Variants in DENND2A observed in about 807,000 individuals in gnomAD.
The protein encoded by DENND2A is DENN domain containing 2A.
In DENND2A, 53 loss-of-function variants were observed where a neutral mutation model predicts 105.3. The ratio of observed to expected loss-of-function variants is 0.50; its 90% CI spans 0.40 to 0.63. DENND2A has a LOEUF of 0.63. Ranked by LOEUF, DENND2A falls within the 30% of genes least tolerant of loss-of-function variation. DENND2A has a pLI of 0.00. For synonymous variants in DENND2A, 522 were observed against 508.4 expected (o/e 1.03, Z -0.36); for missense variants, 1,138 against 1,279.6 (o/e 0.89, Z 1.69).
rs1222458538 is a variant in DENND2A, at chr7:140,587,645, C to G, written c.1123+8G>C. 2 of 1,613,494 alleles carry G rather than the reference C, an allele frequency of 1.2e-6. No homozygotes were observed. The highest frequency in any genetic ancestry group is 4.5e-5 in the East Asian group (2 of 44,864). On this transcript the variant is annotated splice_region_variant and intron_variant, in intron 4 of 19. Coordinates refer to ENST00000496613, the MANE Select transcript of DENND2A (RefSeq NM_015689.5). ...TCAGATCCGCACACAGACGCTGTGG[C>G]TTCTTACCTAGAATGTCTTCATAGA...
rs746407166 is a variant in DENND2A at position 140,601,909 on chromosome 7, G to C, written c.489C>G (p.Val163=). ...QNDPLSVLKQ[V]KKLEQALKDG... is the part of the protein sequence containing the mutation. Reference sequence around the variant, plus strand: ...CCTTCAAAGCCTGCTCGAGTTTCTTGACCTGCTTCAGCACGGAGAGGGGAT... The same window carrying C: ...CCTTCAAAGCCTGCTCGAGTTTCTTCACCTGCTTCAGCACGGAGAGGGGAT... The change falls in exon 3 of 20, where the codon GTC becomes GTG. Residue 163 remains valine (V), a synonymous_variant. Coordinates refer to ENST00000496613, the MANE Select transcript of DENND2A (RefSeq NM_015689.5). 8 of 1,614,148 alleles carry C rather than the reference G, an allele frequency of 5.0e-6. No homozygotes were observed. Among genetic ancestry groups the C allele is most frequent in the East Asian group, 2.2e-5 (1 of 44,858 alleles).
chr7:140,554,043 T>C (rs985194144), intron 12 of DENND2A, among the ~76,000 whole-genome samples: 5 of 150,944 alleles, frequency 3.3e-5, no homozygotes, highest in Non-Finnish European at 7.4e-5. Flanking sequence ...CTGGCCAACA[T>C]GGTGAAACCC....
intron 3 of DENND2A, among the ~76,000 whole-genome samples, chr7:140,591,788 TTTTCTTTTC>T (rs1365942844): frequency 1.3e-5 from 2 of 149,432 alleles, no homozygotes; most frequent in African/African-American, 5.0e-5. Context: ...CCTTTCTTTC[TTTTCTTTTC>T]TTTCTTTCTT....
At chr7:140,579,278 C>T (rs557410888) in intron 5 of DENND2A, among the ~76,000 whole-genome samples, 19 of 151,222 alleles carry the variant, frequency 1.3e-4, no homozygotes, top group Non-Finnish European at 2.7e-4. Flanking sequence ...GGCGACAGAG[C>T]GAGACTCTGT....
Position 140,525,775 on chromosome 7 carries a change from G to A in DENND2A, c.2523C>T (p.Leu841=), listed in dbSNP as rs772777594. The A allele has an allele frequency of 6.9e-6, 11 of 1,605,732 alleles. No individual in the cohort carries two copies. The highest frequency in any genetic ancestry group is 1.7e-4 in the Middle Eastern group (1 of 6,060). The change falls in exon 16 of 20, where the codon CTC becomes CTT. Residue 841 remains leucine, a synonymous_variant. Transcript: ENST00000496613. The part of the protein sequence containing the change: ...LPLEEVLVVD[L]VNSRFLRQMD... Reference sequence around the variant, plus strand: ...CCTGTCTGAGGAACCGGCTGTTGACGAGGTCAACCACAAGGACCTATGAGA... The same window carrying A: ...CCTGTCTGAGGAACCGGCTGTTGACAAGGTCAACCACAAGGACCTATGAGA...
intron 1 of DENND2A, among the ~76,000 whole-genome samples, chr7:140,618,638 C>T (rs1403384309): frequency 6.6e-6 from 1 of 152,216 alleles, no homozygotes; most frequent in Non-Finnish European, 1.5e-5. Flanking sequence ...GACTCTAGCT[C>T]ATCATTACGA....
rs1023180398 is a variant in DENND2A at position 140,546,766 on chromosome 7, C to A, written c.2178+33G>T. ...GACTCGGCTGTCTGGGCCACTGCCTCCCCAGGGAGAAGGAAGGAGTCTGAC... is the reference window on the plus strand; with the variant it reads ...GACTCGGCTGTCTGGGCCACTGCCTACCCAGGGAGAAGGAAGGAGTCTGAC... On this transcript the variant is annotated intron_variant, in intron 13 of 19. Transcript: ENST00000496613. 2.5e-6 allele frequency: 4 copies of A among 1,611,140 alleles called. No homozygotes were observed. In the East Asian group the frequency reaches 6.7e-5, roughly 27 times the overall value.
chr7:140,575,763 T>C (rs137989477), intron 5 of DENND2A, among the ~76,000 whole-genome samples: 5,484 of 151,938 alleles, frequency 0.036, 340 homozygotes, highest in African/African-American at 0.12. Context: ...AGGTCAGGAG[T>C]TCGAGACCAG....
intron 1 of DENND2A, among the ~76,000 whole-genome samples, chr7:140,638,368 C>A (rs1801032582): frequency 6.6e-6 from 1 of 152,170 alleles, no homozygotes; most frequent in South Asian, 2.1e-4. Context: ...TACATACTTG[C>A]TTTTAGTCTA....
At chr7:140,542,148 C>T (rs537190102) in intron 14 of DENND2A, among the ~76,000 whole-genome samples, 1 of 152,280 alleles carries the variant, frequency 6.6e-6, no homozygotes, top group East Asian at 1.9e-4. Flanking sequence ...TCAGCCCTTC[C>T]TGGGGCTGCA....
intron 1 of DENND2A, among the ~76,000 whole-genome samples, chr7:140,618,063 G>A (rs1012717126): frequency 6.6e-6 from 1 of 152,164 alleles, no homozygotes; most frequent in African/African-American, 2.4e-5. Flanking sequence ...GGCCATCTTG[G>A]ATAGGAACAC....
rs1797512209 is a variant in DENND2A at position 140,559,154 on chromosome 7, A to G, written c.1889+554T>C. Among the ~76,000 whole-genome samples, 1 of 152,048 alleles carries G rather than the reference A, an allele frequency of 6.6e-6. No individual in the cohort carries two copies. The highest frequency in any genetic ancestry group is 2.4e-5 in the African/African-American group (1 of 41,408). On this transcript the variant is annotated intron_variant, in intron 10 of 19. Transcript: ENST00000496613. The surrounding 1 kb of genome is among the most constrained non-coding windows in gnomAD (Gnocchi z 4.1). ...GGGACAGTTCTGTGCCCCTCTTGGA[A>G]TTGCCCTGGGGCAGCTCTCTCAGGG...
intron 4 of DENND2A, among the ~76,000 whole-genome samples, chr7:140,586,284 C>T (rs911253841): frequency 1.3e-5 from 2 of 151,380 alleles, no homozygotes; most frequent in African/African-American, 2.4e-5. Context: ...TTTGGGAGGC[C>T]GAAGGGGGTG....
chr7:140,547,683 A>G (rs1468872759), intron 12 of DENND2A, among the ~76,000 whole-genome samples: 1 of 152,218 alleles, frequency 6.6e-6, no homozygotes, highest in African/African-American at 2.4e-5. Flanking sequence ...AAATTTGTAC[A>G]TGATTGTCTG....
intron 11 of DENND2A, among the ~76,000 whole-genome samples, chr7:140,556,149 C>T (rs575377421): frequency 3.9e-5 from 6 of 152,228 alleles, no homozygotes; most frequent in Non-Finnish European, 8.8e-5. Flanking sequence ...TCCCAAGTAG[C>T]TGGGATTACA....
chr7:140,550,042 C>A (rs1009712235), intron 12 of DENND2A, among the ~76,000 whole-genome samples: 2 of 144,492 alleles, frequency 1.4e-5, no homozygotes, highest in Non-Finnish European at 3.0e-5. Context: ...AACTGTTGAT[C>A]GTTCTACCTC....
intron 14 of DENND2A, chr7:140,543,836 C>T (rs1796783199): frequency 6.6e-6 from 1 of 152,310 alleles, no homozygotes; most frequent in Non-Finnish European, 1.5e-5. Context: ...TTGTGATCCA[C>T]CCGCCTCGGC....
At chr7:140,635,137 C>T (rs1800872878) in intron 1 of DENND2A, among the ~76,000 whole-genome samples, 2 of 151,864 alleles carry the variant, frequency 1.3e-5, no homozygotes, top group African/African-American at 2.4e-5. Context: ...GTGGTGCGCA[C>T]CTATAGTCCC....
rs567333474 is a variant in DENND2A, at chr7:140,616,276, C to T, written c.-247-10470G>A. Among the ~76,000 whole-genome samples the T allele has an allele frequency of 5.3e-5, 8 of 152,216 alleles. No individual in the cohort carries two copies. In the South Asian group the frequency reaches 1.7e-3, roughly 32 times the overall value. On this transcript the variant is annotated intron_variant, in intron 1 of 19. Coordinates refer to ENST00000496613, the MANE Select transcript of DENND2A (RefSeq NM_015689.5). ...AAGCTAGAGGCTGAGGCAGGAGAAT[C>T]GCTTGAACCCAGGAGGTGGAGGTGG...
Sources: allele counts gnomAD v4.1 joint callset (sites outside exome capture counted in the v4.1 genomes callset), GRCh38; gene constraint gnomAD v4.1.1; non-coding constraint Gnocchi (gnomAD v3.1); transcripts MANE v1.5; gene names NCBI Gene and HGNC (gene_info 2026-07-23, HGNC 2026-07-21).